CHRM3: variants seen among roughly 807,000 people sequenced by gnomAD.
CHRM3 encodes muscarinic acetylcholine receptor M3.
A neutral mutation model predicts 41.8 loss-of-function variants in CHRM3; 11 were observed. The ratio of observed to expected loss-of-function variants is 0.26; its 90% CI spans 0.17 to 0.44. The LOEUF is 0.44. Among genes scored for constraint, CHRM3 ranks in the 20% least tolerant of loss-of-function variants. CHRM3 has a pLI of 1.00. For synonymous variants in CHRM3, 297 were observed against 301.4 expected, an observed-to-expected ratio of 0.99 and a Z score of 0.15; for missense variants, 571 against 745.4, an observed-to-expected ratio of 0.77 and a Z score of 2.72.
intron 5 of CHRM3, among the ~76,000 whole-genome samples, chr1:239,775,146 AG>A (rs1370531921): frequency 1.3e-5 from 2 of 152,122 alleles, no homozygotes; most frequent in African/African-American, 2.4e-5. Flanking sequence ...TAAAAAAAAA[AG>A]TTTGTTTTAC....
chr1:239,809,264 C>T (rs1455296174), intron 5 of CHRM3, among the ~76,000 whole-genome samples: 1 of 152,036 alleles, frequency 6.6e-6, no homozygotes, highest in African/African-American at 2.4e-5. Flanking sequence ...ACGTGATCCG[C>T]CCGCCTCGGC....
chr1:239,701,736 A>G (rs1346318587), intron 5 of CHRM3, among the ~76,000 whole-genome samples: 1 of 152,106 alleles, frequency 6.6e-6, no homozygotes. Context: ...GGCCTCAGTC[A>G]TCTCATTCCT....
At chr1:239,506,429 C>A (rs933770355) in intron 2 of CHRM3, among the ~76,000 whole-genome samples, 20 of 152,118 alleles carry the variant, frequency 1.3e-4, no homozygotes, top group African/African-American at 4.8e-4. Flanking sequence ...GGGTAGAAGC[C>A]CTAAGTCTTG....
intron 1 of CHRM3, among the ~76,000 whole-genome samples, chr1:239,400,850 C>G (rs1659909227): frequency 6.6e-6 from 1 of 152,108 alleles, no homozygotes. Flanking sequence ...CAACAACCCT[C>G]TTTAAATAGA....
intron 5 of CHRM3, among the ~76,000 whole-genome samples, chr1:239,758,641 G>A (rs1666436248): frequency 6.6e-6 from 1 of 152,076 alleles, no homozygotes; most frequent in Non-Finnish European, 1.5e-5. Context: ...TAAAAAAATT[G>A]GCTTGTTTAT....
intron 2 of CHRM3, among the ~76,000 whole-genome samples, chr1:239,503,502 T>C (rs1668376758): frequency 6.6e-6 from 1 of 151,900 alleles, no homozygotes; most frequent in Non-Finnish European, 1.5e-5. Context: ...GTCTACAAGT[T>C]CAATGCAATC....
intron 6 of CHRM3, among the ~76,000 whole-genome samples, chr1:239,887,289 C>T (rs991496854): frequency 6.6e-6 from 1 of 152,024 alleles, no homozygotes. Context: ...GCAACCTCCA[C>T]CTCCTGGGTT....
intron 5 of CHRM3, among the ~76,000 whole-genome samples, chr1:239,806,931 A>T (rs933713142): frequency 2.6e-5 from 4 of 152,218 alleles, no homozygotes. Context: ...TTTTGAGAGT[A>T]GTACCTGCCG....
intron 3 of CHRM3, among the ~76,000 whole-genome samples, chr1:239,588,155 T>TG (rs1663617908): frequency 6.6e-6 from 1 of 152,222 alleles, no homozygotes; most frequent in African/African-American, 2.4e-5. Flanking sequence ...TAAGCATGTA[T>TG]GCAGATTGTT....
chr1:239,414,575 A>G (rs1661353237), intron 1 of CHRM3, among the ~76,000 whole-genome samples: 1 of 152,246 alleles, frequency 6.6e-6, no homozygotes, highest in South Asian at 2.1e-4. Flanking sequence ...AAATATTTTC[A>G]ATCGGGTAAT....
intron 5 of CHRM3, among the ~76,000 whole-genome samples, chr1:239,722,576 A>G (rs1256305720): frequency 6.6e-6 from 1 of 151,868 alleles, no homozygotes; most frequent in African/African-American, 2.4e-5. Context: ...TCATTGCATT[A>G]TTACTCATTA....
At chr1:239,589,788 T>C (rs1162843069) in intron 3 of CHRM3, among the ~76,000 whole-genome samples, 3 of 150,464 alleles carry the variant, frequency 2.0e-5, no homozygotes, top group African/African-American at 7.3e-5. Flanking sequence ...AGGCTGTTGA[T>C]AGTTTTATAT....
At chr1:239,774,892 A>G (rs1004683725) in intron 5 of CHRM3, among the ~76,000 whole-genome samples, 1 of 152,194 alleles carries the variant, frequency 6.6e-6, no homozygotes, top group Non-Finnish European at 1.5e-5. Flanking sequence ...AGGGAAGGGG[A>G]AAAATGTGAG....
chr1:239,907,855 C>T lies in CHRM3; in HGVS notation c.404C>T (p.Ala135Val). 6.2e-7 allele frequency: 1 copy of T among 1,614,198 alleles called. No individual in the cohort carries two copies. The change falls in exon 7 of 7, where the codon GCC (alanine) becomes GTC (valine). Residue 135 changes from alanine (A) to valine (V), a missense_variant. By Grantham distance (64) the Ala-to-Val change is moderately conservative (BLOSUM62 0). Coordinates refer to ENST00000676153, the MANE Select transcript of CHRM3 (RefSeq NM_001375978.1). This position sits in a 1 kb window ranked among gnomAD's most constrained non-coding sequence, Gnocchi z 5.4. ...ACCTACATCATCATGAATCGATGGG[C>T]CTTAGGGAACTTGGCCTGTGACCTC... ...FTTYIIMNRWALGNLACDLWL... is the reference protein window; with the variant it reads ...FTTYIIMNRWVLGNLACDLWL...
At chr1:239,435,766 G>A (rs1340035532) in intron 1 of CHRM3, among the ~76,000 whole-genome samples, 2 of 152,084 alleles carry the variant, frequency 1.3e-5, no homozygotes, top group Non-Finnish European at 2.9e-5. Flanking sequence ...TGATTTTCCT[G>A]AAAATAATTT....
At chr1:239,631,218 T>G (rs2148868418) in intron 3 of CHRM3, among the ~76,000 whole-genome samples, 1 of 152,322 alleles carries the variant, frequency 6.6e-6, no homozygotes, top group Admixed American at 6.5e-5. Flanking sequence ...GTTAATTACA[T>G]ATCCAATTGC....
At chr1:239,878,081 AG>A (rs1558202787) in intron 6 of CHRM3, among the ~76,000 whole-genome samples, 1 of 148,102 alleles carries the variant, frequency 6.8e-6, no homozygotes, top group East Asian at 2.0e-4. Context: ...TAGTAGAGAC[AG>A]GGTTTCACCA....
intron 3 of CHRM3, among the ~76,000 whole-genome samples, chr1:239,619,090 T>C (rs1213219558): frequency 6.6e-6 from 1 of 151,642 alleles, no homozygotes; most frequent in Non-Finnish European, 1.5e-5. Context: ...AATTTTTGTA[T>C]TTTTAGTAGA....
At position 239,562,278 on chromosome 1, in the gene CHRM3, C is replaced by A. The variant is rs77449654; in HGVS notation, c.-313+16529C>A. Among the ~76,000 whole-genome samples, 69 of 152,212 alleles carry A rather than the reference C, an allele frequency of 4.5e-4. No homozygotes were observed. In the East Asian group the frequency reaches 0.012, roughly 26 times the overall value. On this transcript the variant is annotated intron_variant, in intron 3 of 6. Coordinates refer to ENST00000676153, the MANE Select transcript of CHRM3 (RefSeq NM_001375978.1). ...TTATCTGTGTTTACACTTCAGTATT[C>A]GCACATTTCAAGTCACGTGATCCCT... is the stretch of plus-strand genomic sequence containing the variant.
Sources: allele counts gnomAD v4.1 joint callset (sites outside exome capture counted in the v4.1 genomes callset), GRCh38; gene constraint gnomAD v4.1.1; non-coding constraint Gnocchi (gnomAD v3.1); transcripts MANE v1.5; gene names NCBI Gene and HGNC (gene_info 2026-07-23, HGNC 2026-07-21).